Variants in RANBP9 observed in about 807,000 individuals in gnomAD.
RANBP9 encodes the protein RAN binding protein 9.
In RANBP9, 15 loss-of-function variants were observed where a neutral mutation model predicts 84.3. The observed-to-expected ratio is 0.18, with a 90% CI of 0.12 to 0.27. RANBP9 has a LOEUF of 0.27. RANBP9 is among the 10% of genes least tolerant of loss of function. The pLI is 1.00. For synonymous variants in RANBP9, 392 were observed against 349.6 expected, an observed-to-expected ratio of 1.12 and a Z score of -1.35; for missense variants, 809 against 912.8, an observed-to-expected ratio of 0.89 and a Z score of 1.46.
At chr6:13,705,406 C>CA (rs774239782) in intron 1 of RANBP9, among the ~76,000 whole-genome samples, 10,692 of 26,690 alleles carry the variant, frequency 0.4, 3,626 homozygotes, top group Non-Finnish European at 0.49. Context: ...GATTCTGTCT[C>CA]AAAAAAAAAA....
chr6:13,699,030 G>T (rs1199148911), intron 1 of RANBP9, among the ~76,000 whole-genome samples: 2 of 152,072 alleles, frequency 1.3e-5, no homozygotes, highest in African/African-American at 4.8e-5. Flanking sequence ...CTTTTGTATG[G>T]ATTTTTCTCT....
chr6:13,676,386 A>AAATAACACAACTG (rs1765886691), intron 2 of RANBP9, among the ~76,000 whole-genome samples: 1 of 152,156 alleles, frequency 6.6e-6, no homozygotes, highest in Non-Finnish European at 1.5e-5. Flanking sequence ...TGTAAGGAAG[A>AAATAACACAACTG]AATAACACAA....
At chr6:13,678,053 G>C (rs1765936962) in intron 2 of RANBP9, among the ~76,000 whole-genome samples, 2 of 152,164 alleles carry the variant, frequency 1.3e-5, no homozygotes, top group African/African-American at 4.8e-5. Flanking sequence ...AGGAGTTCAA[G>C]GCTGCAGTGA....
intron 1 of RANBP9, among the ~76,000 whole-genome samples, chr6:13,698,776 G>C (rs1757899330): frequency 6.6e-6 from 1 of 152,092 alleles, no homozygotes. Context: ...AGGAATCCAA[G>C]GGAAGATAAT....
At chr6:13,657,331 G>C in intron 3 of RANBP9, 55 bp from the exon 4 acceptor site, 1 of 1,431,290 alleles carries the variant, frequency 7.0e-7, no homozygotes, top group East Asian at 2.3e-5. Context: ...CTCTGTACTA[G>C]GTTTATTCAC....
intron 12 of RANBP9, among the ~76,000 whole-genome samples, chr6:13,630,661 T>A (rs1764753600): frequency 6.6e-6 from 1 of 152,210 alleles, no homozygotes; most frequent in African/African-American, 2.4e-5. Context: ...AAGATGTTCC[T>A]TGCCCTTTTC....
Position 13,658,250 on chromosome 6 carries a change from C to CA in RANBP9, c.736+529dup, listed in dbSNP as rs200763306. 4.1e-4 allele frequency among the ~76,000 whole-genome samples: 61 copies of CA among 150,202 alleles called. 1 individual carries two copies. Among genetic ancestry groups the CA allele is most frequent in the African/African-American group, 6.1e-4 (25 of 40,882 alleles). ...ACTAAAACTTAAAAATATAAAAATA[C>CA]AAAAAAAAGCATGATATATATACTA... On this transcript the variant is annotated intron_variant, in intron 3 of 13. Coordinates refer to ENST00000011619, the MANE Select transcript of RANBP9 (RefSeq NM_005493.3).
At chr6:13,643,296 A>C (rs1047391605) in intron 6 of RANBP9, among the ~76,000 whole-genome samples, 1 of 152,234 alleles carries the variant, frequency 6.6e-6, no homozygotes, top group Non-Finnish European at 1.5e-5. Flanking sequence ...ACATATACTT[A>C]CATCTACCCA....
intron 2 of RANBP9, among the ~76,000 whole-genome samples, chr6:13,692,783 G>A (rs951582026): frequency 6.6e-6 from 1 of 151,946 alleles, no homozygotes; most frequent in South Asian, 2.1e-4. Flanking sequence ...AACCCAGGAG[G>A]TGGAAGTTAC....
intron 2 of RANBP9, among the ~76,000 whole-genome samples, chr6:13,661,448 C>T (rs1765536360): frequency 6.6e-6 from 1 of 151,198 alleles, no homozygotes; most frequent in African/African-American, 2.4e-5. Flanking sequence ...GGACAAAATT[C>T]TAAAATATAA....
chr6:13,634,869 C>T (rs909078180), intron 10 of RANBP9, among the ~76,000 whole-genome samples: 1 of 151,892 alleles, frequency 6.6e-6, no homozygotes. Flanking sequence ...CAGATCTGTA[C>T]GTCTTCGTTA....
At chr6:13,627,569 G>T (rs1764644409) in intron 12 of RANBP9, among the ~76,000 whole-genome samples, 1 of 145,840 alleles carries the variant, frequency 6.9e-6, no homozygotes, top group Non-Finnish European at 1.5e-5. Context: ...GGCGGAGGCT[G>T]CAGTGAGCCA....
intron 2 of RANBP9, among the ~76,000 whole-genome samples, chr6:13,695,273 ACTAT>A (rs372585074): frequency 1.1e-4 from 17 of 152,320 alleles, no homozygotes; most frequent in Non-Finnish European, 2.2e-4. Flanking sequence ...CCATCAACCA[ACTAT>A]CTGAGAGTAA....
At chr6:13,672,085 G>C (rs1765790554) in intron 2 of RANBP9, among the ~76,000 whole-genome samples, 1 of 152,162 alleles carries the variant, frequency 6.6e-6, no homozygotes, top group African/African-American at 2.4e-5. Context: ...GCTTTAACTT[G>C]TGAGGGCTCA....
rs1161004040 is a variant in RANBP9 at position 13,658,846 on chromosome 6, T to TG, written c.684-15_684-14insC. On this transcript the variant is annotated splice_polypyrimidine_tract_variant and intron_variant, in intron 2 of 13. Transcript: ENST00000011619. ...ATTCCCATGTAACTGTTGGCGGAGG[T>TG]TGGGGGAGAGAAGAAAAGGACATTA... The TG allele has an allele frequency of 2.6e-6, 4 of 1,557,168 alleles. No homozygotes were observed. The highest frequency in any genetic ancestry group is 2.7e-6 in the Non-Finnish European group (3 of 1,129,182).
chr6:13,699,986 T>G (rs1713193767), intron 1 of RANBP9, among the ~76,000 whole-genome samples: 1 of 152,174 alleles, frequency 6.6e-6, no homozygotes, highest in Non-Finnish European at 1.5e-5. Flanking sequence ...CACCTGAAAG[T>G]TTATTATTAC....
At chr6:13,638,009 G>A (rs947519348) in intron 9 of RANBP9, 54 bp from the exon 10 acceptor site, 38 of 1,482,780 alleles carry the variant, frequency 2.6e-5, no homozygotes, top group Non-Finnish European at 3.3e-5. Flanking sequence ...TTATTAATAC[G>A]GTTGTAAACA....
intron 7 of RANBP9, 44 bp from the exon 8 acceptor site, chr6:13,641,351 G>T: frequency 8.1e-7 from 1 of 1,235,356 alleles, no homozygotes; most frequent in Non-Finnish European, 1.2e-6. Flanking sequence ...TACAAAAGTA[G>T]ATAAAACATA....
intron 12 of RANBP9, among the ~76,000 whole-genome samples, chr6:13,626,096 A>C (rs1026246199): frequency 7.2e-5 from 11 of 152,180 alleles, no homozygotes; most frequent in Non-Finnish European, 7.3e-5. Flanking sequence ...GTTTTACTTC[A>C]CAATTTATTA....
Sources: allele counts gnomAD v4.1 joint callset (sites outside exome capture counted in the v4.1 genomes callset), GRCh38; gene constraint gnomAD v4.1.1; transcripts MANE v1.5; gene names NCBI Gene and HGNC (gene_info 2026-07-23, HGNC 2026-07-21).